ATXN1: variants seen among roughly 807,000 people sequenced by gnomAD.
The protein encoded by ATXN1 is ataxin-1.
Under a neutral mutation model 56.4 loss-of-function variants are expected in ATXN1, and 8 were observed. The ratio of observed to expected loss-of-function variants is 0.14; its 90% CI spans 0.08 to 0.26. The LOEUF (loss-of-function observed/expected upper bound fraction) is 0.26, where lower values mean the gene tolerates loss of function less well. Among genes scored for constraint, ATXN1 ranks in the 10% least tolerant of loss-of-function variants. The probability of loss-of-function intolerance (pLI) is 1.00; values close to 1 mark genes in which losing one functional copy is unlikely to be tolerated. For missense variants in ATXN1, 987 were observed against 1,106.5 expected, an observed-to-expected ratio of 0.89 and a Z score of 1.53; for synonymous variants, 514 against 494.6, an observed-to-expected ratio of 1.04 and a Z score of -0.52.
Position 16,327,020 on chromosome 6 carries a change from G to T in ATXN1, c.1291C>A (p.His431Asn). ...PGHRSYALSP[H>N]TVIQTTHSAS... is the part of the protein sequence containing the mutation. The stretch of plus-strand genomic sequence containing the variant: ...CTGTGTGTGGTCTGAATGACCGTGT[G>T]GGGTGAGAGCGCGTAGGACCGGTGG... The change falls in exon 7 of 8, where the codon CAC becomes AAC. Residue 431 changes from histidine to asparagine, a missense_variant. By Grantham distance (68) the His-to-Asn change is moderately conservative. Coordinates refer to ENST00000436367, the MANE Select transcript of ATXN1 (RefSeq NM_001128164.2). 6.2e-7 allele frequency: 1 copy of T among 1,614,154 alleles called. No individual in the cohort carries two copies. The highest frequency in any genetic ancestry group is 1.1e-5 in the South Asian group (1 of 91,078).
In ATXN1 at chr6:16,327,446, C is replaced by G. The variant is rs1377613022; in HGVS notation, c.865G>C (p.Val289Leu). The G allele has an allele frequency of 6.2e-7, 1 of 1,613,652 alleles. No individual in the cohort carries two copies. The highest frequency in any genetic ancestry group is 8.5e-7 in the Non-Finnish European group (1 of 1,179,978). ...CCGGAGTCGGCGTATTGCATGACGA[C>G]CTGGGAGGGGGGCCCCAGGGTGAGC... ...HTLTLGPPSQ[V>L]VMQYADSGSH... Residue 289 changes from valine (V) to leucine (L), a missense_variant, in exon 7 of 8, where the codon GTC (valine) becomes CTC (leucine). Around this residue, in one of 3 missense-constraint regions of ATXN1, gnomAD observed 723 missense variants for 791.7 expected, o/e 0.91. Transcript: ENST00000436367.
At chr6:16,468,760 A>G (rs1760158775) in intron 6 of ATXN1, among the ~76,000 whole-genome samples, 2 of 152,234 alleles carry the variant, frequency 1.3e-5, no homozygotes, top group South Asian at 2.1e-4. Flanking sequence ...AAAACTGTAC[A>G]TGGCTGATAT....
At chr6:16,686,436 G>A (rs546821449) in intron 2 of ATXN1, among the ~76,000 whole-genome samples, 4 of 152,190 alleles carry the variant, frequency 2.6e-5, no homozygotes, top group East Asian at 3.9e-4. Context: ...AATATTCCAC[G>A]AGACAGCCAG....
intron 5 of ATXN1, among the ~76,000 whole-genome samples, chr6:16,514,516 C>A (rs1048150412): frequency 6.6e-6 from 1 of 152,094 alleles, no homozygotes; most frequent in East Asian, 1.9e-4. Flanking sequence ...TTTATCTCCA[C>A]TAGAGGGCCA....
chr6:16,389,524 C>T (rs1454422518), intron 6 of ATXN1, among the ~76,000 whole-genome samples: 1 of 152,056 alleles, frequency 6.6e-6, no homozygotes, highest in African/African-American at 2.4e-5. Context: ...ATTTTCTTGT[C>T]TTCTTTAGGC....
At chr6:16,392,080 A>G (rs1361129466) in intron 6 of ATXN1, among the ~76,000 whole-genome samples, 3 of 152,072 alleles carry the variant, frequency 2.0e-5, no homozygotes, top group African/African-American at 7.2e-5. Context: ...GGAAACATCA[A>G]CTCTTCTCAG....
chr6:16,684,715 A>G (rs1433218288), intron 2 of ATXN1, among the ~76,000 whole-genome samples: 4 of 152,166 alleles, frequency 2.6e-5, no homozygotes, highest in Non-Finnish European at 5.9e-5. Context: ...TAAAACCTCA[A>G]TCATTTACTC....
At chr6:16,486,535 CGTT>C (rs1760548570) in intron 5 of ATXN1, among the ~76,000 whole-genome samples, 1 of 152,124 alleles carries the variant, frequency 6.6e-6, no homozygotes, top group African/African-American at 2.4e-5. Context: ...TAATGCAAAG[CGTT>C]GTTGGTGGTC....
chr6:16,581,855 G>A (rs1435813681), intron 4 of ATXN1, among the ~76,000 whole-genome samples: 1 of 152,172 alleles, frequency 6.6e-6, no homozygotes, highest in Non-Finnish European at 1.5e-5. Context: ...TCACCATACT[G>A]TGATAAAGAC....
intron 3 of ATXN1, among the ~76,000 whole-genome samples, chr6:16,622,292 A>G (rs908277820): frequency 6.6e-6 from 1 of 152,228 alleles, no homozygotes; most frequent in Non-Finnish European, 1.5e-5. Flanking sequence ...ACATGTTTGC[A>G]TTAAACGGTA....
chr6:16,401,785 C>T (rs1758578754), intron 6 of ATXN1, among the ~76,000 whole-genome samples: 1 of 152,208 alleles, frequency 6.6e-6, no homozygotes, highest in South Asian at 2.1e-4. Context: ...TCAGGGATCA[C>T]TTGTTTCTTA....
At chr6:16,709,292 T>C (rs1341467776) in intron 2 of ATXN1, among the ~76,000 whole-genome samples, 2 of 152,038 alleles carry the variant, frequency 1.3e-5, no homozygotes, top group Non-Finnish European at 2.9e-5. Context: ...CTAAAAACTT[T>C]ATGTCAATAA....
chr6:16,498,241 T>A (rs1028219579), intron 5 of ATXN1, among the ~76,000 whole-genome samples: 2 of 152,234 alleles, frequency 1.3e-5, no homozygotes, highest in Non-Finnish European at 2.9e-5. Flanking sequence ...AATCATACAA[T>A]ATGTGGCCTT....
At chr6:16,548,711 GCCAGGAGTTTGAGA>G (rs1185556616) in intron 4 of ATXN1, among the ~76,000 whole-genome samples, 1 of 151,942 alleles carries the variant, frequency 6.6e-6, no homozygotes, top group African/African-American at 2.4e-5. Context: ...ATTGCTTGAG[GCCAGGAGTTTGAGA>G]CCAGCCTGAC....
At chr6:16,749,367 A>G (rs1279065892) in intron 2 of ATXN1, among the ~76,000 whole-genome samples, 1 of 152,220 alleles carries the variant, frequency 6.6e-6, no homozygotes, top group Non-Finnish European at 1.5e-5. Flanking sequence ...AATCTTAATA[A>G]AACTGTTTAG....
intron 2 of ATXN1, among the ~76,000 whole-genome samples, chr6:16,688,013 G>A (rs931475000): frequency 1.4e-4 from 22 of 152,146 alleles, no homozygotes; most frequent in African/African-American, 4.6e-4. Flanking sequence ...CTGAGTTCAC[G>A]GAGGGCCCTC....
chr6:16,394,609 C>A (rs1230881687), intron 6 of ATXN1, among the ~76,000 whole-genome samples: 1 of 152,068 alleles, frequency 6.6e-6, no homozygotes, highest in Non-Finnish European at 1.5e-5. Flanking sequence ...CTCTTAAGGA[C>A]CAAAGAAGAA....
chr6:16,434,238 T>A (rs1581759350), intron 6 of ATXN1, among the ~76,000 whole-genome samples: 1 of 152,184 alleles, frequency 6.6e-6, no homozygotes, highest in African/African-American at 2.4e-5. Flanking sequence ...TAGCCTTTTT[T>A]GGCAATTCCT....
intron 2 of ATXN1, among the ~76,000 whole-genome samples, chr6:16,662,351 A>C (rs1372322772): frequency 6.6e-6 from 1 of 150,930 alleles, no homozygotes; most frequent in African/African-American, 2.4e-5. Flanking sequence ...TTTTTTTTTG[A>C]AATAGAGTTT....
Sources: gnomAD v4.1 joint callset for allele counts (sites outside exome capture counted in the v4.1 genomes callset) on GRCh38, gnomAD v4.1.1 for gene constraint, gnomAD v4.1.1 regional missense constraint, MANE v1.5 for transcripts, NCBI Gene and HGNC (gene_info 2026-07-23, HGNC 2026-07-21) for gene names.